Variants in MRPL3 observed in about 807,000 individuals in gnomAD.
The protein encoded by MRPL3 is large ribosomal subunit protein uL3m.
Under a neutral mutation model 44.3 loss-of-function variants are expected in MRPL3, and 43 were observed. The ratio of observed to expected loss-of-function variants is 0.97; its 90% CI spans 0.76 to 1.25. The LOEUF is 1.25. MRPL3 is among the 50% of genes most tolerant of loss of function. MRPL3 has a pLI of 0.00. For missense variants in MRPL3, 406 were observed against 427.6 expected (o/e 0.95, Z 0.45); for synonymous variants, 171 against 152.3 (o/e 1.12, Z -0.91).
At chr3:131,502,170 G>T (rs1467369532) in intron 1 of MRPL3, among the ~76,000 whole-genome samples, 1 of 152,188 alleles carries the variant, frequency 6.6e-6, no homozygotes, top group East Asian at 1.9e-4. Flanking sequence ...TCCACAAAAG[G>T]CATGACCTCT....
intron 9 of MRPL3, among the ~76,000 whole-genome samples, chr3:131,464,872 G>A (rs1933566219): frequency 1.3e-5 from 2 of 152,160 alleles, no homozygotes; most frequent in African/African-American, 4.8e-5. Flanking sequence ...TAACAAAGTT[G>A]GCTGCCCACT....
intron 7 of MRPL3, among the ~76,000 whole-genome samples, chr3:131,470,183 T>C (rs1036213556): frequency 1.8e-4 from 28 of 152,176 alleles, no homozygotes; most frequent in Non-Finnish European, 3.7e-4. Flanking sequence ...GGTGCTGGAA[T>C]GGTCCTACTG....
intron 6 of MRPL3, among the ~76,000 whole-genome samples, chr3:131,486,262 TAGGCA>T (rs1488186388): frequency 1.4e-4 from 21 of 146,932 alleles, no homozygotes; most frequent in African/African-American, 5.1e-4. Flanking sequence ...ATTCAGGACA[TAGGCA>T]TGGGCAAGGA....
intron 7 of MRPL3, 109 bp from the exon 8 acceptor site, chr3:131,469,882 T>C (rs1933704418): frequency 3.0e-6 from 2 of 673,416 alleles, no homozygotes; most frequent in Non-Finnish European, 4.8e-6. Context: ...GTTTTATTTT[T>C]CCCCTATTCT....
chr3:131,490,192 C>A, intron 4 of MRPL3, 112 bp from the exon 5 acceptor site: 1 of 717,628 alleles, frequency 1.4e-6, no homozygotes, highest in Non-Finnish European at 2.4e-6. Context: ...CAAAGCATAC[C>A]TTATTCCTTA....
chr3:131,465,663 T>C (rs1933584185), intron 9 of MRPL3, among the ~76,000 whole-genome samples: 1 of 152,160 alleles, frequency 6.6e-6, no homozygotes, highest in Non-Finnish European at 1.5e-5. Flanking sequence ...ATTTATAACC[T>C]GTGATCTGAA....
At chr3:131,497,745 CA>C (rs1284407210) in intron 4 of MRPL3, among the ~76,000 whole-genome samples, 1 of 152,188 alleles carries the variant, frequency 6.6e-6, no homozygotes, top group Non-Finnish European at 1.5e-5. Flanking sequence ...TTAATTTCCA[CA>C]TGCTCTTGGT....
At position 131,473,927 on chromosome 3, in the gene MRPL3, T is replaced by C. The variant is rs967522176; in HGVS notation, c.630-2648A>G. 2.0e-5 allele frequency among the ~76,000 whole-genome samples: 3 copies of C among 152,080 alleles called. No individual in the cohort carries two copies. In the East Asian group the frequency reaches 5.8e-4, roughly 29 times the overall value. On this transcript the variant is annotated intron_variant, in intron 6 of 9. Transcript: ENST00000264995. ...AAGAAAACAAGCGTTGGTGAGAACGTGGATAAGAGAACACATACACTGTTA... is the reference window on the plus strand; with the variant it reads ...AAGAAAACAAGCGTTGGTGAGAACGCGGATAAGAGAACACATACACTGTTA...
intron 4 of MRPL3, among the ~76,000 whole-genome samples, chr3:131,496,277 G>A (rs1406708417): frequency 6.6e-6 from 1 of 152,050 alleles, no homozygotes; most frequent in East Asian, 1.9e-4. Flanking sequence ...TTTTTAAAAA[G>A]TTCCCATAAA....
At chr3:131,483,037 G>GA (rs924753162) in intron 6 of MRPL3, among the ~76,000 whole-genome samples, 5 of 143,898 alleles carry the variant, frequency 3.5e-5, no homozygotes, top group African/African-American at 5.2e-5. Flanking sequence ...GAATTCAACA[G>GA]AAAAAAAATG....
In MRPL3 at chr3:131,502,787, G is replaced by A; in HGVS notation, c.35C>T (p.Ala12Val). The A allele has an allele frequency of 6.2e-7, 1 of 1,612,496 alleles. No homozygotes were observed. Among genetic ancestry groups the A allele is most frequent in the Non-Finnish European group, 8.5e-7 (1 of 1,179,410 alleles). The change falls in exon 1 of 10, where the codon GCC becomes GTC. Residue 12 changes from alanine (A) to valine (V), a missense_variant. Transcript: ENST00000264995. ...PGWRLLTQVG[A>V]QVLGRLGDGL... ...GTCCCCGAGTCGACCCAGCACCTGGGCGCCGACCTGCGTCAGCAGCCTCCA... is the reference window on the plus strand; with the variant it reads ...GTCCCCGAGTCGACCCAGCACCTGGACGCCGACCTGCGTCAGCAGCCTCCA...
intron 6 of MRPL3, among the ~76,000 whole-genome samples, chr3:131,484,362 T>G (rs1934065359): frequency 6.6e-6 from 1 of 152,066 alleles, no homozygotes; most frequent in Admixed American, 6.5e-5. Context: ...GGTCCATCAA[T>G]TTGTGCTCAA....
intron 6 of MRPL3, among the ~76,000 whole-genome samples, chr3:131,483,968 G>A (rs1934054721): frequency 6.6e-6 from 1 of 152,144 alleles, no homozygotes; most frequent in Admixed American, 6.5e-5. Context: ...ATTAGGGATT[G>A]AGATTTTTCT....
chr3:131,501,028 T>C (rs766613938), intron 2 of MRPL3, among the ~76,000 whole-genome samples: 4 of 152,214 alleles, frequency 2.6e-5, no homozygotes, highest in Non-Finnish European at 5.9e-5. Flanking sequence ...AACTATCCAA[T>C]TCGACTGTCA....
At chr3:131,497,787 G>C (rs563128916) in intron 4 of MRPL3, among the ~76,000 whole-genome samples, 1 of 152,278 alleles carries the variant, frequency 6.6e-6, no homozygotes, top group East Asian at 1.9e-4. Flanking sequence ...TCCATAGGAA[G>C]AAAGTGAAAT....
rs1934217231 is a variant in MRPL3, at chr3:131,489,985, T to C, written c.564A>G (p.Lys188=). 7 of 1,599,366 alleles carry C rather than the reference T, an allele frequency of 4.4e-6. No homozygotes were observed. The highest frequency in any genetic ancestry group is 6.0e-6 in the Non-Finnish European group (7 of 1,167,904). The change falls in exon 5 of 10, where the codon AAA becomes AAG. Residue 188 remains lysine, a synonymous_variant. Coordinates refer to ENST00000264995, the MANE Select transcript of MRPL3 (RefSeq NM_007208.4). ...IFNITDNAAI[K]PGTPLYAAHF... ...CTCTCCCCAACCTCAAATTACCTGGTTTAATTGCAGCATTATCTGTTATAT... is the reference window on the plus strand; with the variant it reads ...CTCTCCCCAACCTCAAATTACCTGGCTTAATTGCAGCATTATCTGTTATAT...
intron 6 of MRPL3, 190 bp downstream of exon 6, chr3:131,487,490 A>G: frequency 3.6e-6 from 2 of 557,910 alleles, no homozygotes; most frequent in Non-Finnish European, 3.2e-6. Flanking sequence ...ACCTGATGTG[A>G]ACCCTTTACA....
At chr3:131,491,588 A>G (rs1218172086) in intron 4 of MRPL3, among the ~76,000 whole-genome samples, 1 of 151,988 alleles carries the variant, frequency 6.6e-6, no homozygotes, top group African/African-American at 2.4e-5. Context: ...AAAAAAGGCA[A>G]CTCCATAATG....
chr3:131,484,477 A>G (rs1399711540), intron 6 of MRPL3, among the ~76,000 whole-genome samples: 1 of 152,180 alleles, frequency 6.6e-6, no homozygotes, highest in Admixed American at 6.5e-5. Context: ...CACTGCACAT[A>G]TTGTTCCCCT....
Sources: allele counts gnomAD v4.1 joint callset (sites outside exome capture counted in the v4.1 genomes callset), GRCh38; gene constraint gnomAD v4.1.1; transcripts MANE v1.5; gene names NCBI Gene and HGNC (gene_info 2026-07-23, HGNC 2026-07-21).